The following LARGE1 variants were observed in gnomAD, a reference collection of about 807,000 sequenced individuals.
LARGE1 encodes xylosyl- and glucuronyltransferase LARGE1.
Under a neutral mutation model 87.6 loss-of-function variants are expected in LARGE1, and 43 were observed. The observed-to-expected ratio is 0.49, with a 90% CI of 0.38 to 0.63. The LOEUF is 0.63. Ranked by LOEUF, LARGE1 falls within the 30% of genes least tolerant of loss-of-function variation. The pLI, the probability that LARGE1 is intolerant of heterozygous loss-of-function variation, is 0.00. For synonymous variants in LARGE1, 434 were observed against 394.6 expected (o/e 1.10, Z -1.18); for missense variants, 802 against 1,000.2 (o/e 0.80, Z 2.67).
At chr22:33,808,366 T>G (rs761186331) in intron 1 of LARGE1, among the ~76,000 whole-genome samples, 1 of 152,234 alleles carries the variant, frequency 6.6e-6, no homozygotes, top group African/African-American at 2.4e-5. Flanking sequence ...CTTCTTGTTA[T>G]GTTCATCCAA....
At chr22:33,261,610 G>GA (rs537597848) in intron 11 of LARGE1, among the ~76,000 whole-genome samples, 54,427 of 144,870 alleles carry the variant, frequency 0.38, 12,837 homozygotes, top group African/African-American at 0.69. Flanking sequence ...AATCAAAAAA[G>GA]AAAAAAAAAA....
At chr22:33,324,228 C>CAAAAAAAA (rs1161508287) in intron 10 of LARGE1, among the ~76,000 whole-genome samples, 6 of 10,736 alleles carry the variant, frequency 5.6e-4, no homozygotes, top group African/African-American at 1.2e-3. Context: ...GACTCCATCT[C>CAAAAAAAA]AAAAAAAAAA....
At chr22:33,632,853 A>T (rs572956259) in intron 3 of LARGE1, among the ~76,000 whole-genome samples, 1 of 152,338 alleles carries the variant, frequency 6.6e-6, no homozygotes, top group Non-Finnish European at 1.5e-5. Flanking sequence ...TATACTTTTT[A>T]AAAGCTTTAC....
At chr22:33,427,280 T>C (rs1380341593) in intron 7 of LARGE1, among the ~76,000 whole-genome samples, 1 of 152,174 alleles carries the variant, frequency 6.6e-6, no homozygotes. Flanking sequence ...CGAACAGTTA[T>C]GGGCAAGAGC....
chr22:33,179,284 T>C (rs1333750922), intron 11 of LARGE1, among the ~76,000 whole-genome samples: 1 of 152,188 alleles, frequency 6.6e-6, no homozygotes, highest in Non-Finnish European at 1.5e-5. Context: ...ACCACCCACA[T>C]GTACAGAGGA....
chr22:33,116,114 G>C, the LARGE1 span: 1 of 152,220 alleles, frequency 6.6e-6, no homozygotes, highest in Non-Finnish European at 1.5e-5. Flanking sequence ...AGGCAAAGGT[G>C]GACATCGACG....
intron 1 of LARGE1, among the ~76,000 whole-genome samples, chr22:33,790,296 A>AT (rs1230635405): frequency 6.6e-6 from 1 of 152,178 alleles, no homozygotes; most frequent in Admixed American, 6.5e-5. Context: ...CTGTGAGTCC[A>AT]TTAAACCTTT....
intron 1 of LARGE1, among the ~76,000 whole-genome samples, chr22:33,894,746 C>A (rs922876267): frequency 1.3e-5 from 2 of 152,062 alleles, no homozygotes; most frequent in Non-Finnish European, 2.9e-5. Flanking sequence ...AAATGAACCT[C>A]ATTTGGTCTC....
intron 1 of LARGE1, among the ~76,000 whole-genome samples, chr22:33,770,310 A>G (rs900873092): frequency 2.6e-5 from 4 of 152,268 alleles, no homozygotes; most frequent in African/African-American, 9.6e-5. Flanking sequence ...GAAAGTCATC[A>G]GCTCATTTCT....
intron 2 of LARGE1, among the ~76,000 whole-genome samples, chr22:33,663,007 A>C (rs16992749): frequency 0.019 from 2,842 of 152,294 alleles, 71 homozygotes; most frequent in African/African-American, 0.057. Context: ...TTCCAATTCC[A>C]ACAAGTATCT....
At chr22:33,399,413 CTT>C (rs2065864110) in intron 7 of LARGE1, among the ~76,000 whole-genome samples, 1 of 152,156 alleles carries the variant, frequency 6.6e-6, no homozygotes, top group African/African-American at 2.4e-5. Flanking sequence ...GATTCCAAGT[CTT>C]TGCTATTGTA....
the LARGE1 span, among the ~76,000 whole-genome samples, chr22:33,090,289 C>T: frequency 6.6e-6 from 1 of 151,860 alleles, no homozygotes; most frequent in Non-Finnish European, 1.5e-5. Context: ...GTGAGTTGGA[C>T]AATAAATAAT....
chr22:33,618,365 C>G (rs1297133073), intron 4 of LARGE1, among the ~76,000 whole-genome samples: 1 of 152,220 alleles, frequency 6.6e-6, no homozygotes. Flanking sequence ...AGGTTGGAGA[C>G]TGATTCATCT....
intron 1 of LARGE1, among the ~76,000 whole-genome samples, chr22:33,829,307 T>G (rs2146319009): frequency 6.6e-6 from 1 of 152,014 alleles, no homozygotes; most frequent in East Asian, 1.9e-4. Flanking sequence ...CCGCACCCGG[T>G]CTTGTAGTCT....
At chr22:33,593,862 G>T (rs1450047359) in intron 5 of LARGE1, among the ~76,000 whole-genome samples, 1 of 152,180 alleles carries the variant, frequency 6.6e-6, no homozygotes, top group African/African-American at 2.4e-5. Context: ...AAATCACACA[G>T]ATGAGTTGCT....
At chr22:33,166,387 A>G (rs1176330099) in exon 12 of LARGE1, 3 of 199,460 alleles carry the variant, frequency 1.5e-5, no homozygotes, top group African/African-American at 2.3e-5. Context: ...TACCACCTCA[A>G]TCTTACCACA....
At chr22:33,637,851 G>A (rs577028707) in intron 3 of LARGE1, among the ~76,000 whole-genome samples, 1 of 152,248 alleles carries the variant, frequency 6.6e-6, no homozygotes, top group Admixed American at 6.5e-5. Flanking sequence ...AACTGTATGA[G>A]ATAATAAATG....
At chr22:33,106,157 C>G in the LARGE1 span, 1 of 152,236 alleles carries the variant, frequency 6.6e-6, no homozygotes, top group Non-Finnish European at 1.5e-5. Flanking sequence ...CTATGGCAGC[C>G]GTTGCTTCAT....
intron 1 of LARGE1, among the ~76,000 whole-genome samples, chr22:33,763,333 G>A (rs1371721571): frequency 6.6e-6 from 1 of 152,160 alleles, no homozygotes; most frequent in Non-Finnish European, 1.5e-5. Flanking sequence ...AATCTGACAC[G>A]ATTTTCTAAA....
Sources: gnomAD v4.1 joint callset for allele counts (sites outside exome capture counted in the v4.1 genomes callset) on GRCh38, gnomAD v4.1.1 for gene constraint, MANE v1.5 for transcripts, NCBI Gene and HGNC (gene_info 2026-07-23, HGNC 2026-07-21) for gene names.